Variants in RBPMS observed in about 807,000 individuals in gnomAD.
The protein encoded by RBPMS is RNA-binding protein with multiple splicing.
A neutral mutation model predicts 26.8 loss-of-function variants in RBPMS; 7 were observed. The ratio of observed to expected loss-of-function variants is 0.26; its 90% CI spans 0.15 to 0.49. The LOEUF (loss-of-function observed/expected upper bound fraction) is 0.49, where lower values mean the gene tolerates loss of function less well. RBPMS is among the 20% of genes least tolerant of loss of function. RBPMS has a pLI of 0.98. For missense variants in RBPMS, 186 were observed against 250.0 expected, an observed-to-expected ratio of 0.74 and a Z score of 1.73; for synonymous variants, 96 against 93.3, an observed-to-expected ratio of 1.03 and a Z score of -0.17.
At chr8:30,503,492 C>T (rs1820778510) in intron 4 of RBPMS, among the ~76,000 whole-genome samples, 1 of 151,512 alleles carries the variant, frequency 6.6e-6, no homozygotes. Flanking sequence ...CTCCCGAGCT[C>T]AGGCAATCCA....
chr8:30,560,809 G>C (rs1827398594), intron 7 of RBPMS, among the ~76,000 whole-genome samples: 1 of 152,114 alleles, frequency 6.6e-6, no homozygotes, highest in Admixed American at 6.5e-5. Context: ...AGAATCTTAG[G>C]AGACTAATGT....
chr8:30,471,149 A>G (rs1817050525), intron 1 of RBPMS, among the ~76,000 whole-genome samples: 1 of 152,212 alleles, frequency 6.6e-6, no homozygotes, highest in Admixed American at 6.5e-5. Flanking sequence ...AGGCTAAACG[A>G]TAGAAACATT....
At chr8:30,509,377 T>G (rs1821360104) in intron 5 of RBPMS, among the ~76,000 whole-genome samples, 1 of 152,176 alleles carries the variant, frequency 6.6e-6, no homozygotes, top group Non-Finnish European at 1.5e-5. Context: ...TTACCTGCCA[T>G]GTCCCTGGAA....
chr8:30,491,582 ATCT>A (rs966417715), intron 4 of RBPMS, among the ~76,000 whole-genome samples: 3 of 152,022 alleles, frequency 2.0e-5, no homozygotes, highest in African/African-American at 4.8e-5. Flanking sequence ...TTAAATAGAA[ATCT>A]TCTCAAAATG....
intron 7 of RBPMS, among the ~76,000 whole-genome samples, chr8:30,563,649 T>C (rs1827676655): frequency 6.6e-6 from 1 of 152,178 alleles, no homozygotes; most frequent in Non-Finnish European, 1.5e-5. Flanking sequence ...TTTGGAGCTA[T>C]TTTTCCCTTC....
At chr8:30,413,045 A>G (rs1254900862) in intron 1 of RBPMS, among the ~76,000 whole-genome samples, 3 of 152,122 alleles carry the variant, frequency 2.0e-5, no homozygotes, top group African/African-American at 7.2e-5. Flanking sequence ...CCAGTTTTTT[A>G]AGCAGGCTGG....
At chr8:30,509,051 G>A (rs1470425286) in intron 5 of RBPMS, among the ~76,000 whole-genome samples, 7 of 152,116 alleles carry the variant, frequency 4.6e-5, no homozygotes, top group African/African-American at 1.7e-4. Flanking sequence ...GGTTCTGCAG[G>A]TCTGGGCTAG....
At chr8:30,529,200 A>G (rs991754511) in intron 5 of RBPMS, among the ~76,000 whole-genome samples, 54 of 152,226 alleles carry the variant, frequency 3.5e-4, no homozygotes, top group African/African-American at 1.3e-3. Context: ...CCTGGGCAAC[A>G]GCGAGATTCT....
chr8:30,418,138 G>A (rs765514212), intron 1 of RBPMS, among the ~76,000 whole-genome samples: 3 of 152,146 alleles, frequency 2.0e-5, no homozygotes, highest in Non-Finnish European at 2.9e-5. Flanking sequence ...AAAGTGATGT[G>A]CGTTTAATTT....
chr8:30,464,353 G>C (rs1816266095), intron 1 of RBPMS, among the ~76,000 whole-genome samples: 1 of 152,062 alleles, frequency 6.6e-6, no homozygotes, highest in Admixed American at 6.6e-5. Context: ...TAACTGACCT[G>C]GCACCAAGGA....
At chr8:30,451,754 G>A (rs1814612635) in intron 1 of RBPMS, among the ~76,000 whole-genome samples, 2 of 152,246 alleles carry the variant, frequency 1.3e-5, no homozygotes, top group South Asian at 4.2e-4. Context: ...TTCATTCATG[G>A]AGACATTTAG....
Position 30,446,892 on chromosome 8 carries a change from G to A in RBPMS, c.67-27887G>A, listed in dbSNP as rs1159673990. 2.6e-5 allele frequency: 4 copies of A among 151,620 alleles called. 1 individual carries two copies. In the Admixed American group the frequency reaches 2.6e-4, roughly 10 times the overall value. The allele number at this position is 151,620 out of a possible 1,614,324, so 9.4% of individuals were successfully genotyped here. A position where few individuals can be genotyped will look rare whatever the true frequency, so the allele number is the denominator to read the frequency against. ...GTAGTGGGGTAGAGATGGAACTTCA[G>A]TATTTTGCCCAAGGTGACTTTATAT... On this transcript the variant is annotated intron_variant, in intron 1 of 8. Coordinates refer to ENST00000397323, the MANE Select transcript of RBPMS (RefSeq NM_001008710.3).
intron 1 of RBPMS, among the ~76,000 whole-genome samples, chr8:30,442,443 C>T (rs903200005): frequency 2.0e-5 from 3 of 152,156 alleles, no homozygotes; most frequent in East Asian, 1.9e-4. Context: ...TCACCCTCAC[C>T]GTGGCAACTC....
chr8:30,563,170 C>T (rs1827635479), intron 7 of RBPMS, among the ~76,000 whole-genome samples: 1 of 151,232 alleles, frequency 6.6e-6, no homozygotes, highest in South Asian at 2.1e-4. Flanking sequence ...TAAGCAAGGC[C>T]ATCAGGAGAG....
In RBPMS at chr8:30,385,141, A is replaced by G. The variant is rs1409296567; in HGVS notation, c.49A>G (p.Asn17Asp). The change falls in exon 1 of 9, where the codon AAC becomes GAC. Residue 17 changes from asparagine to aspartate, a missense_variant. Asn to Asp is a conservative substitution (Grantham distance 23). Coordinates refer to ENST00000397323, the MANE Select transcript of RBPMS (RefSeq NM_001008710.3). ...GAAGGAGAACACCCCGAGCGAGGCC[A>G]ACCTTCAGGAGGAGGAGGTACTGGG... ...AEKENTPSEA[N>D]LQEEEVRTLF... 3 of 1,523,658 alleles carry G rather than the reference A, an allele frequency of 2.0e-6. No individual in the cohort carries two copies. Among genetic ancestry groups the G allele is most frequent in the Non-Finnish European group, 2.6e-6 (3 of 1,136,676 alleles). 94.4% of individuals were successfully genotyped at this position (1,523,658 alleles called of 1,614,324 possible).
At chr8:30,451,306 T>C (rs901656507) in intron 1 of RBPMS, among the ~76,000 whole-genome samples, 4 of 152,354 alleles carry the variant, frequency 2.6e-5, no homozygotes, top group Non-Finnish European at 4.4e-5. Flanking sequence ...GTTCTGTTTA[T>C]AATAAACTTC....
intron 1 of RBPMS, among the ~76,000 whole-genome samples, chr8:30,461,428 C>A (rs1815882209): frequency 6.6e-6 from 1 of 152,090 alleles, no homozygotes; most frequent in Non-Finnish European, 1.5e-5. Context: ...GAAGCCTCGC[C>A]CTGTCGCCCA....
intron 8 of RBPMS, among the ~76,000 whole-genome samples, chr8:30,567,910 A>G (rs1828009391): frequency 6.6e-6 from 1 of 152,184 alleles, no homozygotes. Flanking sequence ...GGGTTACAGC[A>G]GCGAGTTTGG....
chr8:30,533,633 GTTTAGCAGCCTTCT>G, intron 5 of RBPMS, among the ~76,000 whole-genome samples: 1 of 152,276 alleles, frequency 6.6e-6, no homozygotes, highest in East Asian at 1.9e-4. Context: ...ACACAGAAAT[GTTTAGCAGCCTTCT>G]TCATATCCAT....
Sources: gnomAD v4.1 joint callset for allele counts (sites outside exome capture counted in the v4.1 genomes callset) on GRCh38, gnomAD v4.1.1 for gene constraint, MANE v1.5 for transcripts, NCBI Gene and HGNC (gene_info 2026-07-23, HGNC 2026-07-21) for gene names.